LRRC58: variants seen among roughly 807,000 people sequenced by gnomAD.
The protein encoded by LRRC58 is leucine rich repeat containing 58, also known as leucine-rich repeat-containing protein 58.
LRRC58 carries 18 observed loss-of-function variants against 30.6 expected under a neutral mutation model. The observed-to-expected ratio is 0.59, with a 90% CI of 0.41 to 0.87. The LOEUF is 0.87. Among genes scored for constraint, LRRC58 ranks in the 40% least tolerant of loss-of-function variants. The pLI is 0.00. For missense variants in LRRC58, 420 were observed against 468.4 expected (o/e 0.90, Z 0.95); for synonymous variants, 221 against 206.0 (o/e 1.07, Z -0.62).
rs1447976654 is a variant in LRRC58 at position 120,349,193 on chromosome 3, G to A, written c.51C>T (p.Asn17=). The change falls in exon 1 of 4, where the codon AAC becomes AAT. Residue 17 remains asparagine, a synonymous_variant. Transcript: ENST00000295628. ...AVVTAGEAEL[N]WSRLSVSTET... ...CGGTGGACACGCTGAGGCGGGACCA[G>A]TTCAGTTCGGCCTCCCCGGCCGTGA... 2.7e-6 allele frequency: 4 copies of A among 1,464,938 alleles called. No individual in the cohort carries two copies. The highest frequency in any genetic ancestry group is 2.5e-5 in the Admixed American group (1 of 40,334). 90.7% of individuals were successfully genotyped at this position (1,464,938 alleles called of 1,614,324 possible).
chr3:120,334,382 C>A (rs1935804655), intron 3 of LRRC58, among the ~76,000 whole-genome samples: 1 of 152,002 alleles, frequency 6.6e-6, no homozygotes, highest in Non-Finnish European at 1.5e-5. Context: ...GTGGTGGGCG[C>A]CTGTAGTCCC....
At chr3:120,344,656 A>C (rs573548869) in intron 1 of LRRC58, among the ~76,000 whole-genome samples, 1 of 152,350 alleles carries the variant, frequency 6.6e-6, no homozygotes, top group African/African-American at 2.4e-5. Flanking sequence ...TAAGAAGAAA[A>C]GATTGTAGAA....
chr3:120,339,496 T>C (rs1935877024), intron 1 of LRRC58, among the ~76,000 whole-genome samples: 1 of 152,224 alleles, frequency 6.6e-6, no homozygotes, highest in South Asian at 2.1e-4. Context: ...TGGTTGTTAA[T>C]CTTTGAGTCC....
chr3:120,326,502 T>C lies in LRRC58; in HGVS notation c.*4698A>G, dbSNP rs952115897. 1 of 152,320 alleles carries C rather than the reference T, an allele frequency of 6.6e-6. No individual in the cohort carries two copies. Among genetic ancestry groups the C allele is most frequent in the Non-Finnish European group, 1.5e-5 (1 of 68,026 alleles). 9.4% of individuals were successfully genotyped at this position (152,320 alleles called of 1,614,324 possible). On this transcript the variant is annotated 3_prime_UTR_variant, in exon 4 of 4. Coordinates refer to ENST00000295628, the MANE Select transcript of LRRC58 (RefSeq NM_001099678.2). ...TACACTATTAAATTCATTAATGTTA[T>C]ACAGGGCATAGCACTTAATATGGAA...
Position 120,329,948 on chromosome 3 carries a change from A to G in LRRC58, c.*1252T>C, listed in dbSNP as rs767156035. On this transcript the variant is annotated 3_prime_UTR_variant, in exon 4 of 4. Transcript: ENST00000295628. ...TTGTGAAACTATTTTCCTGCTATAC[A>G]TTAAGGATACAATATATTTAATAAT... 8.6e-5 allele frequency: 13 copies of G among 151,976 alleles called. No homozygotes were observed. Among genetic ancestry groups the G allele is most frequent in the Admixed American group, 2.6e-4 (4 of 15,274 alleles). 9.4% of individuals were successfully genotyped at this position (151,976 alleles called of 1,614,324 possible).
At chr3:120,333,020 A>C (rs2107621809) in intron 3 of LRRC58, among the ~76,000 whole-genome samples, 1 of 147,562 alleles carries the variant, frequency 6.8e-6, no homozygotes, top group Admixed American at 7.1e-5. Context: ...TGAACCCCGG[A>C]GGCGGAGCTT....
chr3:120,333,093 A>G (rs1220719762), intron 3 of LRRC58, among the ~76,000 whole-genome samples: 5 of 148,958 alleles, frequency 3.4e-5, no homozygotes, highest in Non-Finnish European at 3.0e-5. Flanking sequence ...CTCCGTCTCA[A>G]AAAAAAAAAA....
intron 1 of LRRC58, among the ~76,000 whole-genome samples, chr3:120,347,640 C>T (rs1002891162): frequency 2.0e-5 from 3 of 151,800 alleles, no homozygotes; most frequent in Non-Finnish European, 4.4e-5. Context: ...ATCCACCTGC[C>T]TTGGCCTCCC....
intron 1 of LRRC58, among the ~76,000 whole-genome samples, chr3:120,337,339 GT>G: frequency 6.6e-6 from 1 of 152,128 alleles, no homozygotes; most frequent in Non-Finnish European, 1.5e-5. Context: ...ACCATTCTGT[GT>G]TTTTAATCTG....
At chr3:120,343,861 C>G (rs1465436633) in intron 1 of LRRC58, among the ~76,000 whole-genome samples, 1 of 152,010 alleles carries the variant, frequency 6.6e-6, no homozygotes, top group Non-Finnish European at 1.5e-5. Context: ...GAAACCCCGT[C>G]TCTACTGAAA....
intron 1 of LRRC58, 142 bp from the exon 2 acceptor site, chr3:120,336,095 G>A (rs1423733483): frequency 3.3e-6 from 2 of 607,234 alleles, no homozygotes; most frequent in Non-Finnish European, 5.6e-6. Context: ...CCAGTCTCTA[G>A]AGAAACAATG....
Position 120,327,658 on chromosome 3 carries a change from T to C in LRRC58, c.*3542A>G, listed in dbSNP as rs970914152. 5 of 152,328 alleles carry C rather than the reference T, an allele frequency of 3.3e-5. No homozygotes were observed. The highest frequency in any genetic ancestry group is 7.3e-5 in the Non-Finnish European group (5 of 68,028). 9.4% of individuals were successfully genotyped at this position (152,328 alleles called of 1,614,324 possible). On this transcript the variant is annotated 3_prime_UTR_variant, in exon 4 of 4. Transcript: ENST00000295628. Reference sequence around the variant, plus strand: ...AACTGGTGTGCAGTATTACAAAACATTATTGTGGACTGCTTTTTACTTTAA... The same window carrying C: ...AACTGGTGTGCAGTATTACAAAACACTATTGTGGACTGCTTTTTACTTTAA...
rs370175444 is a variant in LRRC58 at position 120,334,638 on chromosome 3, G to A, written c.907+224C>T. Among the ~76,000 whole-genome samples the A allele has an allele frequency of 6.6e-4, 101 of 152,016 alleles. 1 individual carries two copies. In the South Asian group the frequency reaches 0.019, roughly 28 times the overall value. ...CATTTTACCATCTTGATTTATTATC[G>A]TATGTCAAGACAGGATGAGACTTCC... On this transcript the variant is annotated intron_variant, in intron 3 of 3. Transcript: ENST00000295628.
At chr3:120,337,632 A>G (rs1409063617) in intron 1 of LRRC58, among the ~76,000 whole-genome samples, 1 of 152,098 alleles carries the variant, frequency 6.6e-6, no homozygotes, top group African/African-American at 2.4e-5. Flanking sequence ...TCGTTAACTG[A>G]GCAAATTTTT....
At chr3:120,347,211 C>T (rs533718710) in intron 1 of LRRC58, among the ~76,000 whole-genome samples, 228 of 152,154 alleles carry the variant, frequency 1.5e-3, no homozygotes, top group Non-Finnish European at 2.9e-3. Flanking sequence ...GTGCCTGACA[C>T]AGGGCAGGTA....
chr3:120,344,082 C>G (rs1935938156), intron 1 of LRRC58, among the ~76,000 whole-genome samples: 1 of 151,608 alleles, frequency 6.6e-6, no homozygotes, highest in Non-Finnish European at 1.5e-5. Flanking sequence ...AAAAAACCCC[C>G]AAACAACAAC....
chr3:120,341,175 A>G (rs1935900213), intron 1 of LRRC58, among the ~76,000 whole-genome samples: 1 of 152,224 alleles, frequency 6.6e-6, no homozygotes, highest in African/African-American at 2.4e-5. Context: ...GTATGGCATA[A>G]GTTACTGCCC....
At position 120,342,541 on chromosome 3, in the gene LRRC58, G is replaced by A. The variant is rs187676592; in HGVS notation, c.500+6203C>T. ...GCTTCAGAGACCTGCAGAGATATCCGAATGACTTGCTTGAGGAGAGGGGCC... is the reference window on the plus strand; with the variant it reads ...GCTTCAGAGACCTGCAGAGATATCCAAATGACTTGCTTGAGGAGAGGGGCC... On this transcript the variant is annotated intron_variant, in intron 1 of 3. Coordinates refer to ENST00000295628, the MANE Select transcript of LRRC58 (RefSeq NM_001099678.2). 1.2e-4 allele frequency among the ~76,000 whole-genome samples: 19 copies of A among 152,218 alleles called. No homozygotes were observed. In the East Asian group the frequency reaches 1.5e-3, roughly 12 times the overall value.
intron 1 of LRRC58, among the ~76,000 whole-genome samples, chr3:120,337,252 C>G (rs969375171): frequency 6.6e-6 from 1 of 152,234 alleles, no homozygotes; most frequent in Non-Finnish European, 1.5e-5. Context: ...CACTCCTTAA[C>G]CTACAACTTT....
Sources: allele counts gnomAD v4.1 joint callset (sites outside exome capture counted in the v4.1 genomes callset), GRCh38; gene constraint gnomAD v4.1.1; transcripts MANE v1.5; gene names NCBI Gene and HGNC (gene_info 2026-07-23, HGNC 2026-07-21).